GRIK4: variants seen among roughly 807,000 people sequenced by gnomAD.
GRIK4 encodes the protein glutamate receptor ionotropic, kainate 4.
GRIK4 carries 40 observed loss-of-function variants against 104.9 expected under a neutral mutation model. The observed-to-expected ratio is 0.38, with a 90% CI of 0.30 to 0.50. The LOEUF (loss-of-function observed/expected upper bound fraction) is 0.50. Ranked by LOEUF, GRIK4 falls within the 20% of genes least tolerant of loss-of-function variation. The pLI, the probability that GRIK4 is intolerant of heterozygous loss-of-function variation, is 0.93. For missense variants in GRIK4, 1,047 were observed against 1,308.1 expected (o/e 0.80, Z 3.08); for synonymous variants, 485 against 524.9 (o/e 0.92, Z 1.04).
chr11:120,914,245 G>T (rs1283716835), intron 13 of GRIK4, among the ~76,000 whole-genome samples: 1 of 152,250 alleles, frequency 6.6e-6, no homozygotes, highest in Admixed American at 6.5e-5. Flanking sequence ...TTACTGTACA[G>T]TGTGACACAT....
At chr11:120,565,802 A>G (rs1348324930) in intron 1 of GRIK4, among the ~76,000 whole-genome samples, 2 of 152,246 alleles carry the variant, frequency 1.3e-5, no homozygotes, top group Admixed American at 6.5e-5. Flanking sequence ...ATACCTGGCC[A>G]CATGAGAAAA....
At chr11:120,657,951 C>T (rs1175419458) in intron 2 of GRIK4, among the ~76,000 whole-genome samples, 1 of 152,254 alleles carries the variant, frequency 6.6e-6, no homozygotes, top group Non-Finnish European at 1.5e-5. Context: ...ATCACCAGCA[C>T]TGGGGAGTCC....
intron 4 of GRIK4, among the ~76,000 whole-genome samples, chr11:120,805,063 TG>T (rs61117651): frequency 0.13 from 19,567 of 152,204 alleles, 4,026 homozygotes; most frequent in African/African-American, 0.43. Context: ...TTCTAGGCCA[TG>T]GGGATTCAGC....
intron 1 of GRIK4, among the ~76,000 whole-genome samples, chr11:120,517,848 A>G (rs535904891): frequency 7.6e-4 from 115 of 152,290 alleles, no homozygotes; most frequent in African/African-American, 2.7e-3. Context: ...ACACAGGTTT[A>G]GAATTGGAGT....
chr11:120,898,084 C>T (rs1361528794), intron 11 of GRIK4, among the ~76,000 whole-genome samples: 13 of 152,160 alleles, frequency 8.5e-5, no homozygotes, highest in Admixed American at 8.5e-4. Context: ...TTCAGCCATC[C>T]AGCAAATGTT....
At position 120,889,588 on chromosome 11, in the gene GRIK4, C is replaced by CTTTTTTTTTTTTTTTTTTTTTTTT; in HGVS notation, c.1165-8944_1165-8943insTTTTTTTTTTTTTTTTTTTTTTTT. 3.0e-5 allele frequency among the ~76,000 whole-genome samples: 2 copies of CTTTTTTTTTTTTTTTTTTTTTTTT among 67,148 alleles called. 1 individual carries two copies. Among genetic ancestry groups the CTTTTTTTTTTTTTTTTTTTTTTTT allele is most frequent in the East Asian group, 1.1e-3 (2 of 1,750 alleles). The allele number at this position is 67,148 out of a possible 152,430, so 44.1% of individuals were successfully genotyped here. ...AATAGAATAAAATAGAAAGAGCTTA[C>CTTTTTTTTTTTTTTTTTTTTTTTT]ATTTTTTTTTTTTTTTTTTTTTTTT... On this transcript the variant is annotated intron_variant, in intron 11 of 20. Coordinates refer to ENST00000527524, the MANE Select transcript of GRIK4 (RefSeq NM_014619.5).
At chr11:120,571,117 C>T (rs911053231) in intron 1 of GRIK4, among the ~76,000 whole-genome samples, 5 of 152,180 alleles carry the variant, frequency 3.3e-5, no homozygotes, top group Non-Finnish European at 5.9e-5. Flanking sequence ...AGGCCTGGTG[C>T]CCGGCTGTTT....
intron 20 of GRIK4, among the ~76,000 whole-genome samples, chr11:120,984,915 G>A (rs1460546688): frequency 2.8e-5 from 4 of 140,512 alleles, no homozygotes; most frequent in Admixed American, 7.5e-5. Flanking sequence ...TGCAACCTCC[G>A]CCTCCCAGGT....
intron 3 of GRIK4, among the ~76,000 whole-genome samples, chr11:120,774,987 G>A (rs190174553): frequency 4.7e-4 from 72 of 152,138 alleles, no homozygotes; most frequent in South Asian, 6.2e-4. Flanking sequence ...GCACAGAGAG[G>A]TGTGTGTGTG....
At chr11:120,927,685 A>C (rs992391111) in intron 13 of GRIK4, among the ~76,000 whole-genome samples, 1 of 152,320 alleles carries the variant, frequency 6.6e-6, no homozygotes, top group African/African-American at 2.4e-5. Context: ...TGGTCAACAA[A>C]GCTTCATGGT....
intron 3 of GRIK4, among the ~76,000 whole-genome samples, chr11:120,699,092 T>A (rs956774042): frequency 6.6e-6 from 1 of 152,226 alleles, no homozygotes; most frequent in Non-Finnish European, 1.5e-5. Context: ...CGTGTCATAT[T>A]TCCCGTTGCC....
chr11:120,767,839 C>T (rs1299727921), intron 3 of GRIK4, among the ~76,000 whole-genome samples: 1 of 152,106 alleles, frequency 6.6e-6, no homozygotes, highest in Non-Finnish European at 1.5e-5. Flanking sequence ...GTGCCCTTGT[C>T]AAAAATCAGT....
chr11:120,927,455 T>C (rs1943373542), intron 13 of GRIK4, among the ~76,000 whole-genome samples: 2 of 150,924 alleles, frequency 1.3e-5, no homozygotes, highest in Admixed American at 1.3e-4. Flanking sequence ...TAGTCCCAGG[T>C]ACTCAGGAGG....
rs1953041322 is a variant in GRIK4, at chr11:120,819,265, C to T, written c.346-490C>T. Among the ~76,000 whole-genome samples, 1 of 152,170 alleles carries T rather than the reference C, an allele frequency of 6.6e-6. No individual in the cohort carries two copies. The highest frequency in any genetic ancestry group is 6.5e-5 in the Admixed American group (1 of 15,278). Reference sequence around the variant, plus strand: ...ATTCCCCACTGAAGTTTGTTGGGAGCTGGTTACTATACACCTGTTGGCTGG... The same window carrying T: ...ATTCCCCACTGAAGTTTGTTGGGAGTTGGTTACTATACACCTGTTGGCTGG... On this transcript the variant is annotated intron_variant, in intron 5 of 20. Transcript: ENST00000527524. The surrounding 1 kb of genome is among the most constrained non-coding windows in gnomAD (Gnocchi z 4.3).
At position 120,549,729 on chromosome 11, in the gene GRIK4, G is replaced by A. The variant is rs969060476; in HGVS notation, c.-159+37842G>A. ...TGGGGTGCAGAGAAGGAGTGGGAGA[G>A]GTGGGCAGCTGCTGCAGACAGGGGA... On this transcript the variant is annotated intron_variant, in intron 1 of 20. Transcript: ENST00000527524. The surrounding 1 kb of genome is among the most constrained non-coding windows in gnomAD (Gnocchi z 4.7). 4.6e-5 allele frequency among the ~76,000 whole-genome samples: 7 copies of A among 152,160 alleles called. No homozygotes were observed. The highest frequency in any genetic ancestry group is 1.0e-4 in the Non-Finnish European group (7 of 68,026).
At chr11:120,708,479 G>A (rs1044993877) in intron 3 of GRIK4, among the ~76,000 whole-genome samples, 1 of 152,138 alleles carries the variant, frequency 6.6e-6, no homozygotes, top group Admixed American at 6.5e-5. Flanking sequence ...CAGAGACGGG[G>A]CTGAGTGTGG....
chr11:120,907,960 T>A lies in GRIK4; in HGVS notation c.1476+2467T>A, dbSNP rs141512037. On this transcript the variant is annotated intron_variant, in intron 13 of 20. Coordinates refer to ENST00000527524, the MANE Select transcript of GRIK4 (RefSeq NM_014619.5). Reference sequence around the variant, plus strand: ...TGAAGGATTGGGATGTTTTCCAGGATGTTCCCCTAGGATTGTGGTAGCCCT... The same window carrying A: ...TGAAGGATTGGGATGTTTTCCAGGAAGTTCCCCTAGGATTGTGGTAGCCCT... 2.0e-3 allele frequency among the ~76,000 whole-genome samples: 300 copies of A among 152,274 alleles called. 1 individual carries two copies. The highest frequency in any genetic ancestry group is 6.7e-3 in the African/African-American group (280 of 41,554).
chr11:120,943,485 G>A (rs1287770024), intron 14 of GRIK4, among the ~76,000 whole-genome samples: 1 of 152,106 alleles, frequency 6.6e-6, no homozygotes, highest in Non-Finnish European at 1.5e-5. Context: ...AGGGCCTTAG[G>A]AAGATCTGCT....
intron 7 of GRIK4, among the ~76,000 whole-genome samples, chr11:120,834,859 C>T (rs1953531130): frequency 6.6e-6 from 1 of 152,262 alleles, no homozygotes; most frequent in Non-Finnish European, 1.5e-5. Flanking sequence ...CGGGTTTTAG[C>T]TCCCCACTGT....
Sources: gnomAD v4.1 joint callset for allele counts (sites outside exome capture counted in the v4.1 genomes callset) on GRCh38, gnomAD v4.1.1 for gene constraint, Gnocchi (gnomAD v3.1) non-coding constraint, MANE v1.5 for transcripts, NCBI Gene and HGNC (gene_info 2026-07-23, HGNC 2026-07-21) for gene names.